N4BP3: variants seen among roughly 807,000 people sequenced by gnomAD.
N4BP3 encodes the protein NEDD4-binding protein 3.
N4BP3 carries 33 observed loss-of-function variants against 43.8 expected under a neutral mutation model. The ratio of observed to expected loss-of-function variants is 0.75; its 90% CI spans 0.57 to 1.01. The LOEUF (loss-of-function observed/expected upper bound fraction) is 1.01. Among genes scored for constraint, N4BP3 ranks in the 50% least tolerant of loss-of-function variants. N4BP3 has a pLI of 0.00. For missense variants in N4BP3, 756 were observed against 744.2 expected, an observed-to-expected ratio of 1.02 and a Z score of -0.18; for synonymous variants, 326 against 321.9, an observed-to-expected ratio of 1.01 and a Z score of -0.14.
At chr5:178,116,192 T>A (rs531159684) in intron 1 of N4BP3, among the ~76,000 whole-genome samples, 2,127 of 22,162 alleles carry the variant, frequency 0.096, 57 homozygotes, top group African/African-American at 0.28. Context: ...ACAGCTGCCC[T>A]GCCCAGCTGC....
intron 1 of N4BP3, among the ~76,000 whole-genome samples, chr5:178,117,867 G>A (rs1179230876): frequency 6.6e-6 from 1 of 152,130 alleles, no homozygotes; most frequent in Non-Finnish European, 1.5e-5. Flanking sequence ...AGGGTGAGGT[G>A]AGGCTGTGGG....
downstream of N4BP3, among the ~76,000 whole-genome samples, chr5:178,126,323 C>T (rs943982611): frequency 2.0e-5 from 3 of 152,208 alleles, no homozygotes; most frequent in African/African-American, 7.2e-5. Context: ...AGACTACAGG[C>T]GCCTGCCACG....
At position 178,121,494 on chromosome 5, in the gene N4BP3, G is replaced by T. The variant is rs1363361247; in HGVS notation, c.1128G>T (p.Glu376Asp). Residue 376 changes from glutamate (E) to aspartate (D), a missense_variant, in exon 5 of 5, where the codon GAG becomes GAT. By Grantham distance (45) the Glu-to-Asp change is conservative (BLOSUM62 2). Transcript: ENST00000274605. Reference protein sequence around the residue: ...ARWEVCQKTAEISLLKQQLRE... With the variant: ...ARWEVCQKTADISLLKQQLRE... ...CCCAGGTGTGCCAGAAGACAGCAGA[G>T]ATTAGCCTCTTGAAGCAGCAGCTGC... The T allele has an allele frequency of 6.2e-7, 1 of 1,613,956 alleles. No individual in the cohort carries two copies. Among genetic ancestry groups the T allele is most frequent in the East Asian group, 2.2e-5 (1 of 44,882 alleles).
In N4BP3 at chr5:178,125,689, TCCAG is replaced by T. The variant is rs1301091837; in HGVS notation, c.*3689_*3692del. On this transcript the variant is annotated 3_prime_UTR_variant, in exon 5 of 5. Coordinates refer to ENST00000274605, the MANE Select transcript of N4BP3 (RefSeq NM_015111.2). ...AGTTCCCAGCTGGCTCACTCATCCGTCCAGGAGGTGGGTCTCATGGTTTCATTTT... is the reference window on the plus strand; with the variant it reads ...AGTTCCCAGCTGGCTCACTCATCCGTGAGGTGGGTCTCATGGTTTCATTTT... 3 of 152,396 alleles carry T rather than the reference TCCAG, an allele frequency of 2.0e-5. No individual in the cohort carries two copies. The highest frequency in any genetic ancestry group is 4.4e-5 in the Non-Finnish European group (3 of 68,052). 9.4% of individuals were successfully genotyped at this position (152,396 alleles called of 1,614,324 possible).
Position 178,116,420 on chromosome 5 carries a change from C to A in N4BP3, c.-31+2649C>A, listed in dbSNP as rs534755271. On this transcript the variant is annotated intron_variant, in intron 1 of 4. Transcript: ENST00000274605. ...TCAGCCAGGAGGGGCACAGTGGGGA[C>A]GGTGGGGGGCCTAAGGAGAGACAAA... 1.3e-3 allele frequency among the ~76,000 whole-genome samples: 191 copies of A among 151,922 alleles called. 1 individual carries two copies. The highest frequency in any genetic ancestry group is 4.1e-3 in the African/African-American group (168 of 41,392).
rs945800190 is a variant in N4BP3, at chr5:178,113,566, G to C, written c.-236G>C. The stretch of plus-strand genomic sequence containing the variant: ...CCGCCTTTGGGGCAGGCGATCGAGC[G>C]CCGCGGAGCGCGTCCCTCCCTCGCC... On this transcript the variant is annotated 5_prime_UTR_variant, in exon 1 of 5. Transcript: ENST00000274605. The C allele has an allele frequency of 6.6e-6, 1 of 151,576 alleles. No homozygotes were observed. The highest frequency in any genetic ancestry group is 1.5e-5 in the Non-Finnish European group (1 of 67,828). 9.4% of individuals were successfully genotyped at this position (151,576 alleles called of 1,614,324 possible).
intron 1 of N4BP3, among the ~76,000 whole-genome samples, chr5:178,117,617 CA>C (rs1158805938): frequency 0.24 from 3,271 of 13,712 alleles, 47 homozygotes; most frequent in Middle Eastern, 0.36. Flanking sequence ...GACCCTGTCT[CA>C]AAAAAAAAAA....
At position 178,118,682 on chromosome 5, in the gene N4BP3, A is replaced by T. The variant is rs966521497; in HGVS notation, c.-30-872A>T. Among the ~76,000 whole-genome samples, 4 of 133,798 alleles carry T rather than the reference A, an allele frequency of 3.0e-5. No individual in the cohort carries two copies. The highest frequency in any genetic ancestry group is 6.4e-5 in the Non-Finnish European group (4 of 62,110). The allele number at this position is 133,798 out of a possible 152,430, so 87.8% of individuals were successfully genotyped here. A position where few individuals can be genotyped will look rare whatever the true frequency, so the allele number is the denominator to read the frequency against. Reference sequence around the variant, plus strand: ...ACTGTAGCCCCCAACCCTCCCCCCCATGCCAGATGTTTCCCTTGGGGAGCT... The same window carrying T: ...ACTGTAGCCCCCAACCCTCCCCCCCTTGCCAGATGTTTCCCTTGGGGAGCT... On this transcript the variant is annotated intron_variant, in intron 1 of 4. Coordinates refer to ENST00000274605, the MANE Select transcript of N4BP3 (RefSeq NM_015111.2). This position sits in a 1 kb window ranked among gnomAD's most constrained non-coding sequence, Gnocchi z 5.4.
intron 1 of N4BP3, among the ~76,000 whole-genome samples, chr5:178,117,106 C>A (rs948849661): frequency 3.3e-5 from 5 of 152,194 alleles, no homozygotes; most frequent in African/African-American, 1.2e-4. Context: ...AGCCACCATG[C>A]CTGGCCCTTT....
chr5:178,120,852 G>C (rs1459468704), intron 3 of N4BP3, among the ~76,000 whole-genome samples, 153 bp downstream of exon 3: 1 of 152,212 alleles, frequency 6.6e-6, no homozygotes, highest in African/African-American at 2.4e-5. Flanking sequence ...TGCATCCCAG[G>C]TGGTGGGGAT....
rs767128046 is a variant in N4BP3, at chr5:178,120,596, TCTC to T, written c.752_754del (p.Ser251del). 1.1e-5 allele frequency: 18 copies of T among 1,612,434 alleles called. 1 individual carries two copies. The South Asian group carries it at 1.9e-4, about 17-fold the overall frequency. On this transcript the variant is annotated inframe_deletion, in exon 3 of 5. Transcript: ENST00000274605. Reference sequence around the variant, plus strand: ...CCCGAGCCACCACCCCCCTACGAGTTCTCCTGCTCCTCTGCCGAGGAAATGGGA... The same window carrying T: ...CCCGAGCCACCACCCCCCTACGAGTTCTGCTCCTCTGCCGAGGAAATGGGA...
Position 178,120,684 on chromosome 5 carries a change from C to T in N4BP3, c.837C>T (p.Ser279=), listed in dbSNP as rs1757899895. 6.3e-7 allele frequency: 1 copy of T among 1,593,264 alleles called. No individual in the cohort carries two copies. The highest frequency in any genetic ancestry group is 1.3e-5 in the African/African-American group (1 of 74,820). ...GGGGCCTTGGCGATGAGGACGGCTC[C>T]AACCCCTTCACGCAGGTGAGGGAGC... ...LKRGLGDEDG[S]NPFTQVLEER... is the part of the protein sequence containing the mutation. Residue 279 remains serine, a synonymous_variant, in exon 3 of 5, where the codon TCC becomes TCT. Coordinates refer to ENST00000274605, the MANE Select transcript of N4BP3 (RefSeq NM_015111.2).
chr5:178,114,810 C>T (rs921150825), intron 1 of N4BP3, among the ~76,000 whole-genome samples: 1 of 152,248 alleles, frequency 6.6e-6, no homozygotes, highest in Non-Finnish European at 1.5e-5. Context: ...TCCTCTATTT[C>T]TTCCTGACCT....
In N4BP3 at chr5:178,122,671, T is replaced by C. The variant is rs55727122; in HGVS notation, c.*670T>C. ...TTTCAGAAGGAACAACACCAGGGAATGCCAAAAAAACAAAGGGCAAGTCAA... is the reference window on the plus strand; with the variant it reads ...TTTCAGAAGGAACAACACCAGGGAACGCCAAAAAAACAAAGGGCAAGTCAA... On this transcript the variant is annotated 3_prime_UTR_variant, in exon 5 of 5. Coordinates refer to ENST00000274605, the MANE Select transcript of N4BP3 (RefSeq NM_015111.2). 0.048 allele frequency: 7,254 copies of C among 152,250 alleles called. 234 individuals carry two copies. The highest frequency in any genetic ancestry group is 0.088 in the African/African-American group (3,645 of 41,524). 9.4% of individuals were successfully genotyped at this position (152,250 alleles called of 1,614,324 possible).
Position 178,118,486 on chromosome 5 carries a change from G to A in N4BP3, c.-30-1068G>A, listed in dbSNP as rs374793174. ...AGGGTTAGGATTTGGGACCCACCCT[G>A]CCGGGTGGTGGGCTTTGGAATAAGA... On this transcript the variant is annotated intron_variant, in intron 1 of 4. Transcript: ENST00000274605. The surrounding 1 kb of genome is among the most constrained non-coding windows in gnomAD (Gnocchi z 5.4). Among the ~76,000 whole-genome samples the A allele has an allele frequency of 4.6e-5, 7 of 152,206 alleles. No individual in the cohort carries two copies. Among genetic ancestry groups the A allele is most frequent in the Admixed American group, 4.6e-4 (7 of 15,292 alleles).
chr5:178,124,957 A>C lies in N4BP3; in HGVS notation c.*2956A>C, dbSNP rs560260775. 1.3e-5 allele frequency: 2 copies of C among 152,366 alleles called. No homozygotes were observed. Among genetic ancestry groups the C allele is most frequent in the Admixed American group, 6.5e-5 (1 of 15,300 alleles). 9.4% of individuals were successfully genotyped at this position (152,366 alleles called of 1,614,324 possible). A position where few individuals can be genotyped will look rare whatever the true frequency, so the allele number is the denominator to read the frequency against. ...TGCCTGTCTCCTTTGAGCTGTGGGC[A>C]TTGCCGGGGTAGGGTGGTGTCTTCA... On this transcript the variant is annotated 3_prime_UTR_variant, in exon 5 of 5. Transcript: ENST00000274605.
chr5:178,116,632 T>C (rs1204518502), intron 1 of N4BP3, among the ~76,000 whole-genome samples: 1 of 152,224 alleles, frequency 6.6e-6, no homozygotes, highest in Non-Finnish European at 1.5e-5. Context: ...CTCTCTGTGC[T>C]GCTGGGTGGG....
At position 178,125,790 on chromosome 5, in the gene N4BP3, G is replaced by C. The variant is rs1033002092; in HGVS notation, c.*3789G>C. On this transcript the variant is annotated 3_prime_UTR_variant, in exon 5 of 5. Transcript: ENST00000274605. ...AACCCAACAATGAAGATACAGTTCTGTCACCCCCCCAGCATTCTCCTGTGG... is the reference window on the plus strand; with the variant it reads ...AACCCAACAATGAAGATACAGTTCTCTCACCCCCCCAGCATTCTCCTGTGG... The C allele has an allele frequency of 6.6e-6, 1 of 152,020 alleles. No individual in the cohort carries two copies. The allele number at this position is 152,020 out of a possible 1,614,324, so 9.4% of individuals were successfully genotyped here.
At position 178,121,268 on chromosome 5, in the gene N4BP3, G is replaced by T. The variant is rs1192878673; in HGVS notation, c.1023G>T (p.Gln341His). ...RRLRKELRAQQGLAPEPRAPG... is the reference protein window; with the variant it reads ...RRLRKELRAQHGLAPEPRAPG... ...TGCGCAAGGAGCTGCGGGCTCAGCA[G>T]GGCCTGGCTCCGGAGCCTCGGGCCC... Residue 341 changes from glutamine (Q) to histidine (H), a missense_variant, in exon 4 of 5, where the codon CAG (glutamine) becomes CAT (histidine). Transcript: ENST00000274605. The T allele has an allele frequency of 1.9e-6, 3 of 1,607,088 alleles. No individual in the cohort carries two copies. The highest frequency in any genetic ancestry group is 2.5e-6 in the Non-Finnish European group (3 of 1,176,902).
Sources: gnomAD v4.1 joint callset for allele counts (sites outside exome capture counted in the v4.1 genomes callset) on GRCh38, gnomAD v4.1.1 for gene constraint, Gnocchi (gnomAD v3.1) non-coding constraint, MANE v1.5 for transcripts, NCBI Gene and HGNC (gene_info 2026-07-23, HGNC 2026-07-21) for gene names.